The following ARAP1 variants were observed in gnomAD, a reference collection of about 807,000 sequenced individuals.
ARAP1 encodes the protein arf-GAP with Rho-GAP domain, ANK repeat and PH domain-containing protein 1.
Under a neutral mutation model 172.2 loss-of-function variants are expected in ARAP1, and 76 were observed. The observed-to-expected ratio is 0.44, with a 90% CI of 0.37 to 0.53. ARAP1 has a LOEUF of 0.53. ARAP1 is among the 20% of genes least tolerant of loss of function. The pLI, the probability that ARAP1 is intolerant of heterozygous loss-of-function variation, is 0.00. For missense variants in ARAP1, 1,686 were observed against 1,977.5 expected, an observed-to-expected ratio of 0.85 and a Z score of 2.80; for synonymous variants, 804 against 803.3, an observed-to-expected ratio of 1.00 and a Z score of -0.01.
chr11:72,716,222 A>G (rs1857268716), intron 3 of ARAP1, among the ~76,000 whole-genome samples: 1 of 151,704 alleles, frequency 6.6e-6, no homozygotes, highest in African/African-American at 2.4e-5. Context: ...ATTCTAAATG[A>G]CATTTTTCAA....
Position 72,695,070 on chromosome 11 carries a change from G to C in ARAP1, c.3604C>G (p.Leu1202Val), listed in dbSNP as rs764850907. The C allele has an allele frequency of 4.3e-6, 7 of 1,613,994 alleles. No individual in the cohort carries two copies. In the African/African-American group the frequency reaches 6.7e-5, roughly 15 times the overall value. ...KVPASMTAEE[L>V]TLEILDRRNV... ...CGGCGATCCAGGATCTCCAGGGTGA[G>C]CTCCTCAGCAGTCATGGATGCTGGG... The change falls in exon 27 of 35, where the codon CTC (leucine) becomes GTC (valine). Residue 1202 changes from leucine (L) to valine (V), a missense_variant. By Grantham distance (32) the Leu-to-Val change is conservative. This residue lies in a region of ARAP1 where 379 missense variants were observed against 500.1 expected (regional missense o/e 0.76). Coordinates refer to ENST00000393609, the MANE Select transcript of ARAP1 (RefSeq NM_001040118.3). This position sits in a 1 kb window ranked among gnomAD's most constrained non-coding sequence, Gnocchi z 4.4.
intron 3 of ARAP1, among the ~76,000 whole-genome samples, chr11:72,714,722 T>C (rs1332421649): frequency 6.6e-6 from 1 of 152,114 alleles, no homozygotes; most frequent in Non-Finnish European, 1.5e-5. Context: ...GGGACAGGAT[T>C]GAAATGAGCT....
chr11:72,732,045 C>T (rs149698485), intron 2 of ARAP1, among the ~76,000 whole-genome samples: 158 of 151,882 alleles, frequency 1.0e-3, no homozygotes, highest in African/African-American at 3.6e-3. Flanking sequence ...GAAAACTGGA[C>T]GGATATATAT....
chr11:72,703,956 G>A (rs1856637235), intron 14 of ARAP1, 196 bp downstream of exon 14: 1 of 652,914 alleles, frequency 1.5e-6, no homozygotes, highest in African/African-American at 1.9e-5. Context: ...CAAGGGTCAG[G>A]CCTGGCTCCT....
chr11:72,693,871 T>TA lies in ARAP1; in HGVS notation c.3695-67_3695-66insT. 1.5e-6 allele frequency: 2 copies of TA among 1,320,976 alleles called. No individual in the cohort carries two copies. The highest frequency in any genetic ancestry group is 1.3e-5 in the South Asian group (1 of 74,890). The allele number at this position is 1,320,976 out of a possible 1,614,324, so 81.8% of individuals were successfully genotyped here. A position where few individuals can be genotyped will look rare whatever the true frequency, so the allele number is the denominator to read the frequency against. ...CCCGATACCACCAAAGGCTGGCAGA[T>TA]GGGCACATATCACCTACACATCCCC... On this transcript the variant is annotated intron_variant, in intron 27 of 34. Transcript: ENST00000393609. This position sits in a 1 kb window ranked among gnomAD's most constrained non-coding sequence, Gnocchi z 4.6.
intron 33 of ARAP1, among the ~76,000 whole-genome samples, chr11:72,686,782 C>G (rs745724292): frequency 6.6e-6 from 1 of 152,174 alleles, no homozygotes; most frequent in Non-Finnish European, 1.5e-5. Flanking sequence ...GGTCCCACTG[C>G]CCGACGCTGC....
In ARAP1 at chr11:72,714,040, G is replaced by A. The variant is rs982220342; in HGVS notation, c.679+112C>T. ...CCTGCCCGGGGCCACACAGTGGGCTGGTGGCAGGCTTGCACAGAAAGGAGT... is the reference window on the plus strand; with the variant it reads ...CCTGCCCGGGGCCACACAGTGGGCTAGTGGCAGGCTTGCACAGAAAGGAGT... On this transcript the variant is annotated intron_variant, in intron 4 of 34. Coordinates refer to ENST00000393609, the MANE Select transcript of ARAP1 (RefSeq NM_001040118.3). The A allele has an allele frequency of 2.7e-5, 32 of 1,196,796 alleles. 1 individual carries two copies. The Middle Eastern group carries it at 8.7e-4, about 32-fold the overall frequency. 74.1% of individuals were successfully genotyped at this position (1,196,796 alleles called of 1,614,324 possible).
At chr11:72,732,768 T>A (rs528912285) in intron 1 of ARAP1, among the ~76,000 whole-genome samples, 171 bp from the exon 2 acceptor site, 1 of 151,998 alleles carries the variant, frequency 6.6e-6, no homozygotes, top group African/African-American at 2.4e-5. Context: ...TGGATTCGAG[T>A]CCAGGAGTTC....
rs371772686 is a variant in ARAP1 at position 72,698,015 on chromosome 11, C to T, written c.2633G>A (p.Arg878Gln). The T allele has an allele frequency of 1.3e-4, 216 of 1,610,874 alleles. No homozygotes were observed. The highest frequency in any genetic ancestry group is 6.2e-4 in the South Asian group (56 of 90,436). Reference protein sequence around the residue: ...LPYKAGLSLQRAQEGWFSLSG... With the variant: ...LPYKAGLSLQQAQEGWFSLSG... ...GAGAGAGAACCAGCCCTCCTGGGCC[C>T]GCTGTAGGCTCAGGCCAGCTTTGTA... The change falls in exon 19 of 35, where the codon CGG becomes CAG. Residue 878 changes from arginine (R) to glutamine (Q), a missense_variant. By Grantham distance (43) the Arg-to-Gln change is conservative. Around this residue, in one of 5 missense-constraint regions of ARAP1, gnomAD observed 688 missense variants for 856.9 expected, o/e 0.80. Coordinates refer to ENST00000393609, the MANE Select transcript of ARAP1 (RefSeq NM_001040118.3).
intron 23 of ARAP1, 92 bp downstream of exon 23, chr11:72,696,457 G>T (rs1401120720): frequency 9.6e-7 from 1 of 1,045,286 alleles, no homozygotes; most frequent in Non-Finnish European, 1.4e-6. Flanking sequence ...CAAAAGCCCA[G>T]CTGGCTCCCA....
At chr11:72,732,677 G>C (rs983418465) in intron 1 of ARAP1, 80 bp from the exon 2 acceptor site, 4 of 152,476 alleles carry the variant, frequency 2.6e-5, no homozygotes, top group African/African-American at 9.6e-5. Context: ...GGAAGAGGGA[G>C]AGGGACAGGG....
chr11:72,737,861 C>T (rs750278295), intron 1 of ARAP1, among the ~76,000 whole-genome samples: 3 of 152,152 alleles, frequency 2.0e-5, no homozygotes, highest in Admixed American at 6.5e-5. Flanking sequence ...TGAGTTCATG[C>T]GAGCTTCCCC....
chr11:72,685,495 C>T lies in ARAP1; in HGVS notation c.*169G>A. 1.1e-6 allele frequency: 1 copy of T among 945,970 alleles called. No individual in the cohort carries two copies. Among genetic ancestry groups the T allele is most frequent in the Non-Finnish European group, 1.6e-6 (1 of 617,768 alleles). The allele number at this position is 945,970 out of a possible 1,614,324, so 58.6% of individuals were successfully genotyped here. A position where few individuals can be genotyped will look rare whatever the true frequency, so the allele number is the denominator to read the frequency against. ...GCCCAGGCTGACCCCTGCTGCCTCC[C>T]ACCCCTGCCGGGGAACCCCATGCTG... On this transcript the variant is annotated 3_prime_UTR_variant, in exon 35 of 35. Transcript: ENST00000393609.
intron 19 of ARAP1, 63 bp downstream of exon 19, chr11:72,697,848 G>A: frequency 4.0e-6 from 6 of 1,495,014 alleles, no homozygotes; most frequent in Non-Finnish European, 4.5e-6. Flanking sequence ...GGCAAGGGCT[G>A]GGGGCCTGGG....
chr11:72,691,960 G>A (rs981697007), intron 30 of ARAP1, among the ~76,000 whole-genome samples: 28 of 152,130 alleles, frequency 1.8e-4, no homozygotes, highest in African/African-American at 6.0e-4. Context: ...AGTAGGGTTC[G>A]CACTCTTACG....
intron 2 of ARAP1, among the ~76,000 whole-genome samples, chr11:72,728,701 C>G (rs960533105): frequency 6.6e-6 from 1 of 152,074 alleles, no homozygotes; most frequent in Non-Finnish European, 1.5e-5. Flanking sequence ...AAAAGCATCA[C>G]AAAATAGAAA....
At chr11:72,713,310 T>C in intron 4 of ARAP1, 67 bp from the exon 5 acceptor site, 2 of 1,466,302 alleles carry the variant, frequency 1.4e-6, no homozygotes. Context: ...GGCACCACAC[T>C]GGGCTTCACA....
chr11:72,697,282 T>C (rs755029135), intron 21 of ARAP1, 41 bp downstream of exon 21: 18 of 1,575,018 alleles, frequency 1.1e-5, no homozygotes, highest in Non-Finnish European at 1.4e-5. Flanking sequence ...GAGGCGGCTC[T>C]CCGGGAGGGG....
intron 1 of ARAP1, among the ~76,000 whole-genome samples, chr11:72,734,841 C>CA (rs58338853): frequency 0.021 from 2,216 of 103,862 alleles, 51 homozygotes; most frequent in African/African-American, 0.057. Flanking sequence ...AGACTGAGCA[C>CA]AAAAAAAAAA....
Sources: allele counts gnomAD v4.1 joint callset (sites outside exome capture counted in the v4.1 genomes callset), GRCh38; gene constraint gnomAD v4.1.1; regional missense constraint gnomAD v4.1.1; non-coding constraint Gnocchi (gnomAD v3.1); transcripts MANE v1.5; gene names NCBI Gene and HGNC (gene_info 2026-07-23, HGNC 2026-07-21).